Variants in ITGAE observed in about 807,000 individuals in gnomAD.
The protein encoded by ITGAE is integrin alpha-E.
In ITGAE, 99 loss-of-function variants were observed where a neutral mutation model predicts 136.5. That is an observed-to-expected ratio of 0.73 (90% CI 0.62 to 0.86). ITGAE has a LOEUF of 0.86. Ranked by LOEUF, ITGAE falls within the 40% of genes least tolerant of loss-of-function variation. The pLI, the probability that ITGAE is intolerant of heterozygous loss-of-function variation, is 0.00. For synonymous variants in ITGAE, 613 were observed against 591.8 expected (o/e 1.04, Z -0.52); for missense variants, 1,447 against 1,515.3 (o/e 0.95, Z 0.75).
At chr17:3,797,127 G>A (rs2053123677) in intron 1 of ITGAE, among the ~76,000 whole-genome samples, 1 of 147,370 alleles carries the variant, frequency 6.8e-6, no homozygotes, top group South Asian at 2.1e-4. Flanking sequence ...GCACTACTGT[G>A]TGCTGGAAAC....
intron 1 of ITGAE, among the ~76,000 whole-genome samples, chr17:3,778,627 T>C (rs944768699): frequency 2.6e-5 from 4 of 152,156 alleles, no homozygotes; most frequent in South Asian, 2.1e-4. Context: ...TTCTTTCTTC[T>C]CATTTATGTG....
rs202096557 is a variant in ITGAE, at chr17:3,753,935, G to A, written c.1385-10C>T. The stretch of plus-strand genomic sequence containing the variant: ...ACGGCCACAGCGTAACCTGGGGCAA[G>A]GGTGGTGTGGCTGTGAACACACCGT... On this transcript the variant is annotated splice_polypyrimidine_tract_variant and intron_variant, in intron 12 of 30. Transcript: ENST00000263087. 2 of 1,613,354 alleles carry A rather than the reference G, an allele frequency of 1.2e-6. No homozygotes were observed. Among genetic ancestry groups the A allele is most frequent in the Non-Finnish European group, 1.7e-6 (2 of 1,179,670 alleles).
chr17:3,724,916 A>G (rs1252964828), intron 26 of ITGAE: 1 of 1,613,724 alleles, frequency 6.2e-7, no homozygotes, highest in Admixed American at 1.7e-5. Flanking sequence ...TGCCAAGGGG[A>G]ATAGACAGGC....
chr17:3,743,466 G>A, intron 19 of ITGAE, 23 bp downstream of exon 19: 1 of 1,568,306 alleles, frequency 6.4e-7, no homozygotes, highest in Non-Finnish European at 8.6e-7. Context: ...AGAGGGCTGG[G>A]TACTGGCTGT....
intron 19 of ITGAE, among the ~76,000 whole-genome samples, chr17:3,742,473 G>A (rs867513579): frequency 2.1e-4 from 9 of 43,118 alleles, no homozygotes; most frequent in Non-Finnish European, 2.8e-4. Context: ...TTTTTTTTTT[G>A]AGACGGAGTC....
At position 3,750,468 on chromosome 17, in the gene ITGAE, G is replaced by T. The variant is rs1341025527; in HGVS notation, c.1908C>A (p.Ser636=). The T allele has an allele frequency of 1.8e-5, 29 of 1,614,156 alleles. No individual in the cohort carries two copies. The highest frequency in any genetic ancestry group is 2.5e-5 in the Non-Finnish European group (29 of 1,180,030). The part of the protein sequence containing the change: ...SASPSQRIRA[S]TVAPGLQYFG... ...AGTACTGGAGTCCTGGGGCCACCGT[G>T]GAGGCTCTGATCCGCTGTGGAGGCA... The change falls in exon 16 of 31, where the codon TCC becomes TCA. Residue 636 remains serine (S), a synonymous_variant. Coordinates refer to ENST00000263087, the MANE Select transcript of ITGAE (RefSeq NM_002208.5).
intron 23 of ITGAE, 126 bp from the exon 24 acceptor site, chr17:3,729,681 GC>G (rs1473013208): frequency 1.0e-5 from 7 of 700,260 alleles, no homozygotes; most frequent in Non-Finnish European, 1.6e-5. Context: ...TGCAACCTCC[GC>G]CCCCCGGGTT....
chr17:3,761,860 C>T (rs980462867), intron 4 of ITGAE, 55 bp downstream of exon 4: 22 of 1,491,460 alleles, frequency 1.5e-5, no homozygotes, highest in East Asian at 2.3e-5. Context: ...GGGTCAACCA[C>T]GAGGGCTAGC....
chr17:3,751,515 T>C lies in ITGAE; in HGVS notation c.1893+135A>G, dbSNP rs2051866672. Reference sequence around the variant, plus strand: ...AGCTCCCCCTAGCCTGGGGGACTTCTTTCTTTCACTGGGCATTCCCAACCC... The same window carrying C: ...AGCTCCCCCTAGCCTGGGGGACTTCCTTCTTTCACTGGGCATTCCCAACCC... On this transcript the variant is annotated intron_variant, in intron 15 of 30. Transcript: ENST00000263087. The C allele has an allele frequency of 9.3e-6, 7 of 753,418 alleles. No individual in the cohort carries two copies. The South Asian group carries it at 1.1e-4, about 11-fold the overall frequency. The allele number at this position is 753,418 out of a possible 1,614,324, so 46.7% of individuals were successfully genotyped here.
At chr17:3,720,191 A>G (rs2143006194) in intron 29 of ITGAE, 116 bp downstream of exon 29, 2 of 604,484 alleles carry the variant, frequency 3.3e-6, no homozygotes, top group South Asian at 4.0e-5. Context: ...TGGCAGAGCC[A>G]AGATCAGAAG....
At chr17:3,758,607 C>T (rs1369205567) in intron 8 of ITGAE, among the ~76,000 whole-genome samples, 2 of 152,092 alleles carry the variant, frequency 1.3e-5, no homozygotes, top group Non-Finnish European at 2.9e-5. Context: ...CACCTGCCAC[C>T]ACACCCAGCT....
rs146384772 is a variant in ITGAE, at chr17:3,766,792, AAATAATAATAATAATAATAATAATAAT to A, written c.156-2859_156-2833del. Among the ~76,000 whole-genome samples the A allele has an allele frequency of 7.3e-5, 10 of 136,910 alleles. No homozygotes were observed. The East Asian group carries it at 1.3e-3, about 18-fold the overall frequency. 89.8% of individuals were successfully genotyped at this position (136,910 alleles called of 152,430 possible). On this transcript the variant is annotated intron_variant, in intron 2 of 30. Transcript: ENST00000263087. ...ACTCCAGCCTGGGTGAAAGAGTGCAAAATAATAATAATAATAATAATAATAATAATAATAATAATAATAATAATAATA... is the reference window on the plus strand; with the variant it reads ...ACTCCAGCCTGGGTGAAAGAGTGCAAAATAATAATAATAATAATAATAATA...
chr17:3,731,968 C>T (rs964383625), intron 22 of ITGAE, among the ~76,000 whole-genome samples: 2 of 152,040 alleles, frequency 1.3e-5, no homozygotes, highest in Non-Finnish European at 2.9e-5. Flanking sequence ...CCCAGCTACT[C>T]AGGAGGCTGA....
At chr17:3,760,325 G>T in intron 6 of ITGAE, 38 bp from the exon 7 acceptor site, 1 of 1,263,670 alleles carries the variant, frequency 7.9e-7, no homozygotes, top group Non-Finnish European at 1.1e-6. Context: ...GGCATGGGAT[G>T]TGAGGCAGAT....
chr17:3,756,212 G>A (rs1348772657), intron 10 of ITGAE, among the ~76,000 whole-genome samples: 2 of 147,268 alleles, frequency 1.4e-5, no homozygotes, highest in African/African-American at 2.5e-5. Flanking sequence ...GAGGCCTGGG[G>A]ATATTGTTGG....
intron 20 of ITGAE, among the ~76,000 whole-genome samples, chr17:3,737,255 T>C (rs1567521559): frequency 6.6e-6 from 1 of 152,140 alleles, no homozygotes; most frequent in Non-Finnish European, 1.5e-5. Context: ...ATCGCGCCAC[T>C]GCACTCCTGC....
At chr17:3,724,997 C>T in intron 26 of ITGAE, 1 of 1,614,208 alleles carries the variant, frequency 6.2e-7, no homozygotes. Context: ...TCCATTCCCA[C>T]CGCTTTAAAA....
chr17:3,755,513 C>G (rs915200446), intron 11 of ITGAE, among the ~76,000 whole-genome samples: 1 of 152,220 alleles, frequency 6.6e-6, no homozygotes, highest in Non-Finnish European at 1.5e-5. Flanking sequence ...CAGGCCGAGT[C>G]CTGTTGCCTG....
In ITGAE at chr17:3,778,076, A is replaced by C. The variant is rs1047122462; in HGVS notation, c.35-416T>G. Among the ~76,000 whole-genome samples the C allele has an allele frequency of 5.1e-4, 78 of 152,048 alleles. 2 individuals are homozygous for C. The highest frequency in any genetic ancestry group is 8.8e-5 in the Non-Finnish European group (6 of 68,010). On this transcript the variant is annotated intron_variant, in intron 1 of 30. Coordinates refer to ENST00000263087, the MANE Select transcript of ITGAE (RefSeq NM_002208.5). ...CCCCCTTCAAGCGACCCACGAGAAA[A>C]CGTATCCCCAAAACTGCCTGCACAA...
Sources: allele counts gnomAD v4.1 joint callset (sites outside exome capture counted in the v4.1 genomes callset), GRCh38; gene constraint gnomAD v4.1.1; transcripts MANE v1.5; gene names NCBI Gene and HGNC (gene_info 2026-07-23, HGNC 2026-07-21).